GRIK4: variants seen among roughly 807,000 people sequenced by gnomAD.
GRIK4 encodes the protein glutamate ionotropic receptor kainate type subunit 4.
In GRIK4, 40 loss-of-function variants were observed where a neutral mutation model predicts 104.9. That is an observed-to-expected ratio of 0.38 (90% CI 0.30 to 0.50). The LOEUF (loss-of-function observed/expected upper bound fraction) is 0.50. Among genes scored for constraint, GRIK4 ranks in the 20% least tolerant of loss-of-function variants. The pLI is 0.93. For synonymous variants in GRIK4, 485 were observed against 524.9 expected (o/e 0.92, Z 1.04); for missense variants, 1,047 against 1,308.1 (o/e 0.80, Z 3.08).
chr11:120,923,541 T>G (rs1943271811), intron 13 of GRIK4, among the ~76,000 whole-genome samples: 1 of 150,680 alleles, frequency 6.6e-6, no homozygotes, highest in South Asian at 2.1e-4. Context: ...GCCTCCTGAG[T>G]AGCTGGGACT....
At chr11:120,893,628 A>G (rs1487861622) in intron 11 of GRIK4, among the ~76,000 whole-genome samples, 3 of 152,314 alleles carry the variant, frequency 2.0e-5, no homozygotes, top group Admixed American at 6.5e-5. Flanking sequence ...TATGGCGGGC[A>G]CCAGTCATGT....
At chr11:120,954,932 G>C (rs1944106816) in intron 15 of GRIK4, among the ~76,000 whole-genome samples, 1 of 152,114 alleles carries the variant, frequency 6.6e-6, no homozygotes. Context: ...GCCTTTGGGG[G>C]TGGAATGACA....
intron 4 of GRIK4, among the ~76,000 whole-genome samples, chr11:120,813,852 G>C (rs1019429209): frequency 1.3e-5 from 2 of 152,200 alleles, no homozygotes; most frequent in Non-Finnish European, 2.9e-5. Flanking sequence ...ATGGAGTTAA[G>C]CCTTGAGTTT....
chr11:120,594,202 G>C (rs1334763397), intron 1 of GRIK4, among the ~76,000 whole-genome samples: 2 of 152,240 alleles, frequency 1.3e-5, no homozygotes, highest in African/African-American at 4.8e-5. Context: ...ATCCTGCTGG[G>C]CGCAGTGGCT....
chr11:120,836,749 G>C (rs772251987), intron 7 of GRIK4, 42 bp from the exon 8 acceptor site: 1 of 1,432,760 alleles, frequency 7.0e-7, no homozygotes, highest in Admixed American at 1.7e-5. Context: ...CTTCAAGTGA[G>C]TTTTTGTTTT....
intron 8 of GRIK4, among the ~76,000 whole-genome samples, chr11:120,848,903 G>A (rs907218117): frequency 3.9e-5 from 6 of 152,124 alleles, no homozygotes; most frequent in African/African-American, 1.2e-4. Context: ...GGGGGTGTGA[G>A]AACAGAATGG....
intron 3 of GRIK4, among the ~76,000 whole-genome samples, chr11:120,773,236 C>T (rs1383180565): frequency 6.6e-6 from 1 of 152,208 alleles, no homozygotes; most frequent in Non-Finnish European, 1.5e-5. Flanking sequence ...GAAGCCCACC[C>T]TTGTACCCAT....
At chr11:120,550,388 C>T (rs948905487) in intron 1 of GRIK4, among the ~76,000 whole-genome samples, 4 of 147,370 alleles carry the variant, frequency 2.7e-5, no homozygotes, top group Non-Finnish European at 2.9e-5. Context: ...TCCTTTGAGC[C>T]GATGCTGATT....
intron 3 of GRIK4, among the ~76,000 whole-genome samples, chr11:120,786,831 A>G (rs1443463232): frequency 6.6e-6 from 1 of 152,194 alleles, no homozygotes; most frequent in Non-Finnish European, 1.5e-5. Context: ...ATATTTATTT[A>G]CAGCTGTATC....
At chr11:120,678,783 GCCACCACACC>G (rs1950144172) in intron 3 of GRIK4, among the ~76,000 whole-genome samples, 1 of 152,024 alleles carries the variant, frequency 6.6e-6, no homozygotes, top group Non-Finnish European at 1.5e-5. Flanking sequence ...ACAGGTACGT[GCCACCACACC>G]TGGTTAATTT....
intron 11 of GRIK4, among the ~76,000 whole-genome samples, chr11:120,888,941 G>T (rs1432596746): frequency 6.6e-6 from 1 of 152,184 alleles, no homozygotes; most frequent in Non-Finnish European, 1.5e-5. Flanking sequence ...CCCAGTTAGA[G>T]TTCCCAGCCT....
At chr11:120,599,212 G>A (rs758333338) in intron 1 of GRIK4, among the ~76,000 whole-genome samples, 1 of 152,228 alleles carries the variant, frequency 6.6e-6, no homozygotes, top group East Asian at 1.9e-4. Context: ...CGCAGAGAAT[G>A]TGAAAACACA....
chr11:120,598,931 T>G (rs972283201), intron 1 of GRIK4, among the ~76,000 whole-genome samples: 1 of 152,242 alleles, frequency 6.6e-6, no homozygotes, highest in African/African-American at 2.4e-5. Flanking sequence ...AAGGGATGGA[T>G]AATGGACTCC....
At chr11:120,650,821 T>C (rs903742785) in intron 1 of GRIK4, among the ~76,000 whole-genome samples, 18 of 152,202 alleles carry the variant, frequency 1.2e-4, no homozygotes, top group African/African-American at 3.4e-4. Flanking sequence ...ACAACATAGA[T>C]CTTTTGGCCG....
chr11:120,660,650 A>G (rs760499343), intron 3 of GRIK4, among the ~76,000 whole-genome samples: 4 of 152,230 alleles, frequency 2.6e-5, no homozygotes, highest in Non-Finnish European at 5.9e-5. Context: ...AGTGCAGTCA[A>G]TGTAGGTTCA....
At chr11:120,879,629 T>C (rs1954908783) in intron 11 of GRIK4, among the ~76,000 whole-genome samples, 1 of 152,252 alleles carries the variant, frequency 6.6e-6, no homozygotes, top group African/African-American at 2.4e-5. Context: ...CTTGTGGAGC[T>C]TCTACTGGAG....
At chr11:120,531,363 CT>C (rs988748285) in intron 1 of GRIK4, among the ~76,000 whole-genome samples, 5 of 152,318 alleles carry the variant, frequency 3.3e-5, no homozygotes, top group Non-Finnish European at 7.3e-5. Context: ...TCGTCTGCCC[CT>C]GCCACAGGCA....
At chr11:120,795,439 G>A (rs1952491850) in intron 3 of GRIK4, among the ~76,000 whole-genome samples, 1 of 152,174 alleles carries the variant, frequency 6.6e-6, no homozygotes, top group African/African-American at 2.4e-5. Context: ...TCCACTCATC[G>A]CCTAATGCTG....
intron 1 of GRIK4, among the ~76,000 whole-genome samples, chr11:120,598,331 C>T (rs1948834613): frequency 6.6e-6 from 1 of 152,132 alleles, no homozygotes; most frequent in Non-Finnish European, 1.5e-5. Flanking sequence ...AGTGTCTTGC[C>T]CAAGGTCATC....
Sources: gnomAD v4.1 joint callset for allele counts (sites outside exome capture counted in the v4.1 genomes callset) on GRCh38, gnomAD v4.1.1 for gene constraint, MANE v1.5 for transcripts, NCBI Gene and HGNC (gene_info 2026-07-23, HGNC 2026-07-21) for gene names.